Variants in ALX4 observed in about 807,000 individuals in gnomAD.
The protein encoded by ALX4 is ALX homeobox 4.
ALX4 carries 22 observed loss-of-function variants against 40.6 expected under a neutral mutation model. The observed-to-expected ratio is 0.54, with a 90% confidence interval of 0.39 to 0.77. The LOEUF (loss-of-function observed/expected upper bound fraction) is 0.77, where lower values mean the gene tolerates loss of function less well. ALX4 is among the 30% of genes least tolerant of loss of function. ALX4 has a pLI of 0.00. For missense variants in ALX4, 556 were observed against 564.8 expected (o/e 0.98, Z 0.16); for synonymous variants, 266 against 240.5 (o/e 1.11, Z -0.98).
chr11:44,267,614 G>A lies in ALX4; in HGVS notation c.786C>T (p.Phe262=). ...TCCTCCACTTGGCCCTTCGGTTCTG[G>A]AACCAGACCTACAAGACGCGAAAAA... The part of the protein sequence containing the change: ...DLTEARVQVW[F]QNRRAKWRKR... Residue 262 remains phenylalanine (F), a synonymous_variant, in exon 3 of 4, where the codon TTC becomes TTT. Coordinates refer to ENST00000652299, the MANE Select transcript of ALX4 (RefSeq NM_021926.4). 6.2e-7 allele frequency: 1 copy of A among 1,614,158 alleles called. No homozygotes were observed. The highest frequency in any genetic ancestry group is 1.3e-5 in the African/African-American group (1 of 75,052).
chr11:44,273,827 C>T (rs1024900541), intron 2 of ALX4, among the ~76,000 whole-genome samples: 2 of 152,128 alleles, frequency 1.3e-5, no homozygotes, highest in African/African-American at 4.8e-5. Flanking sequence ...GTGGTGTATG[C>T]CTGTGGTCCC....
At chr11:44,309,216 A>AGCCCCGCAGCCCCGCC (rs1956489841) in intron 1 of ALX4, among the ~76,000 whole-genome samples, 1 of 147,862 alleles carries the variant, frequency 6.8e-6, no homozygotes, top group Non-Finnish European at 1.5e-5. Context: ...GCAGCCCCGC[A>AGCCCCGCAGCCCCGCC]GCCCCGCAGC....
At chr11:44,267,730 G>A (rs1015354730) in intron 2 of ALX4, 108 bp from the exon 3 acceptor site, 67 of 1,495,940 alleles carry the variant, frequency 4.5e-5, no homozygotes, top group South Asian at 2.2e-4. Context: ...GTTGCAGTGC[G>A]TTTGGGAAAC....
At chr11:44,297,348 C>T (rs918929545) in intron 1 of ALX4, among the ~76,000 whole-genome samples, 1 of 152,244 alleles carries the variant, frequency 6.6e-6, no homozygotes, top group South Asian at 2.1e-4. Flanking sequence ...GCAAAGAACA[C>T]TCAGCCTGGG....
chr11:44,273,141 C>T (rs1956258698), intron 2 of ALX4, among the ~76,000 whole-genome samples: 1 of 149,680 alleles, frequency 6.7e-6, no homozygotes, highest in Admixed American at 6.7e-5. Context: ...GCATCTCTGT[C>T]CTAACATTGA....
intron 2 of ALX4, among the ~76,000 whole-genome samples, chr11:44,272,998 C>A (rs140632159): frequency 1.3e-5 from 2 of 152,024 alleles, no homozygotes; most frequent in Admixed American, 6.6e-5. Flanking sequence ...ATTAGAGATG[C>A]CTCTGCCTTC....
intron 1 of ALX4, among the ~76,000 whole-genome samples, chr11:44,301,583 C>G (rs1199537927): frequency 6.6e-6 from 1 of 152,194 alleles, no homozygotes; most frequent in Non-Finnish European, 1.5e-5. Flanking sequence ...GAGACTGAGG[C>G]AGAACTGCAA....
intron 1 of ALX4, among the ~76,000 whole-genome samples, chr11:44,299,977 A>G (rs1028163856): frequency 2.0e-5 from 3 of 152,314 alleles, no homozygotes; most frequent in East Asian, 1.9e-4. Context: ...AGGGACGCTC[A>G]GTTGTTCTGG....
intron 1 of ALX4, among the ~76,000 whole-genome samples, chr11:44,279,461 A>G (rs1471758159): frequency 6.6e-6 from 1 of 152,090 alleles, no homozygotes; most frequent in Non-Finnish European, 1.5e-5. Context: ...CAGGGAGATG[A>G]CCCCGGGCTG....
At position 44,309,958 on chromosome 11, in the gene ALX4, C is replaced by A. The variant is rs753099218; in HGVS notation, c.105G>T (p.Arg35Ser). Reference protein sequence around the residue: ...SQSREGSSPFRAFPGGDKFGT... With the variant: ...SQSREGSSPFSAFPGGDKFGT... The stretch of plus-strand genomic sequence containing the variant: ...CGAACTTGTCGCCTCCGGGAAATGC[C>A]CTAAAAGGCGACGAGCCCTCCCGAC... The change falls in exon 1 of 4, where the codon AGG (arginine) becomes AGT (serine). Residue 35 changes from arginine (R) to serine (S), a missense_variant. Physicochemically the swap from Arg to Ser is moderately radical, Grantham distance 110. Coordinates refer to ENST00000652299, the MANE Select transcript of ALX4 (RefSeq NM_021926.4). 6.3e-7 allele frequency: 1 copy of A among 1,595,736 alleles called. No individual in the cohort carries two copies. Among genetic ancestry groups the A allele is most frequent in the Admixed American group, 1.7e-5 (1 of 57,758 alleles).
Position 44,275,934 on chromosome 11 carries a change from A to G in ALX4, c.467-276T>C, listed in dbSNP as rs111535442. Among the ~76,000 whole-genome samples the G allele has an allele frequency of 8.9e-3, 1,362 of 152,270 alleles. 24 individuals carry two copies. Among genetic ancestry groups the G allele is most frequent in the African/African-American group, 0.031 (1,292 of 41,548 alleles). ...AATGTTATGTGAACCTAAGGCAGCCAATCTGACCTCTGTGACCTTTAATCC... is the reference window on the plus strand; with the variant it reads ...AATGTTATGTGAACCTAAGGCAGCCGATCTGACCTCTGTGACCTTTAATCC... On this transcript the variant is annotated intron_variant, in intron 1 of 3. Coordinates refer to ENST00000652299, the MANE Select transcript of ALX4 (RefSeq NM_021926.4).
At chr11:44,302,247 A>C (rs1956438947) in intron 1 of ALX4, among the ~76,000 whole-genome samples, 1 of 152,178 alleles carries the variant, frequency 6.6e-6, no homozygotes, top group South Asian at 2.1e-4. Flanking sequence ...CAGAGGACAG[A>C]CATGCCTTTC....
chr11:44,294,776 T>C (rs531246473), intron 1 of ALX4, among the ~76,000 whole-genome samples: 11 of 152,206 alleles, frequency 7.2e-5, no homozygotes, highest in Non-Finnish European at 1.6e-4. Context: ...TCATAACAGC[T>C]AACATTGACT....
intron 1 of ALX4, among the ~76,000 whole-genome samples, chr11:44,290,458 CA>C (rs1956362921): frequency 6.6e-6 from 1 of 152,226 alleles, no homozygotes; most frequent in Non-Finnish European, 1.5e-5. Context: ...CAGTAAAACA[CA>C]GTCCCTTCCT....
chr11:44,272,998 C>G (rs140632159), intron 2 of ALX4, among the ~76,000 whole-genome samples: 17 of 152,142 alleles, frequency 1.1e-4, no homozygotes, highest in African/African-American at 3.9e-4. Context: ...ATTAGAGATG[C>G]CTCTGCCTTC....
At chr11:44,267,167 C>T (rs1017301456) in intron 3 of ALX4, among the ~76,000 whole-genome samples, 4 of 152,166 alleles carry the variant, frequency 2.6e-5, no homozygotes, top group Admixed American at 6.5e-5. Flanking sequence ...ACCCTCCGAG[C>T]GGTATCTGAG....
At chr11:44,279,393 G>A (rs988623393) in intron 1 of ALX4, among the ~76,000 whole-genome samples, 1 of 152,198 alleles carries the variant, frequency 6.6e-6, no homozygotes, top group African/African-American at 2.4e-5. Context: ...GACAGAGGGT[G>A]GCAGGGATGA....
Position 44,263,931 on chromosome 11 carries a change from G to A in ALX4, c.*923C>T, listed in dbSNP as rs181642223. 1,526 of 152,492 alleles carry A rather than the reference G, an allele frequency of 0.01. 30 individuals are homozygous for A. The highest frequency in any genetic ancestry group is 0.035 in the African/African-American group (1,445 of 41,564). The allele number at this position is 152,492 out of a possible 1,614,324, so 9.4% of individuals were successfully genotyped here. On this transcript the variant is annotated 3_prime_UTR_variant, in exon 4 of 4. Coordinates refer to ENST00000652299, the MANE Select transcript of ALX4 (RefSeq NM_021926.4). ...GGAACCTGACTGGGCTCTGGATGGA[G>A]AACAAAGCTGCCCAGACCTCCCCGC...
rs1022839066 is a variant in ALX4, at chr11:44,277,760, G to A, written c.467-2102C>T. Among the ~76,000 whole-genome samples the A allele has an allele frequency of 4.6e-5, 7 of 152,330 alleles. No homozygotes were observed. The South Asian group carries it at 1.2e-3, about 27-fold the overall frequency. ...TCCAAGGCATCAAGGAAAGGGCATA[G>A]AGGTGAGTGCCCAGAGTAGGCCTGA... On this transcript the variant is annotated intron_variant, in intron 1 of 3. Coordinates refer to ENST00000652299, the MANE Select transcript of ALX4 (RefSeq NM_021926.4).
Sources: gnomAD v4.1 joint callset for allele counts (sites outside exome capture counted in the v4.1 genomes callset) on GRCh38, gnomAD v4.1.1 for gene constraint, MANE v1.5 for transcripts, NCBI Gene and HGNC (gene_info 2026-07-23, HGNC 2026-07-21) for gene names.